IMPG1: variants seen among roughly 807,000 people sequenced by gnomAD.
IMPG1 encodes interphotoreceptor matrix proteoglycan 1, also known as interphotoreceptor matrix proteoglycan of 150 kDa.
In IMPG1, 85 loss-of-function variants were observed where a neutral mutation model predicts 92.0. The ratio of observed to expected loss-of-function variants is 0.92; its 90% CI spans 0.78 to 1.11. IMPG1 has a LOEUF of 1.11. Ranked by LOEUF, IMPG1 falls within the 50% of genes least tolerant of loss-of-function variation. The pLI is 0.00. For missense variants in IMPG1, 1,022 were observed against 956.0 expected (o/e 1.07, Z -0.91); for synonymous variants, 367 against 334.1 (o/e 1.10, Z -1.08).
chr6:76,007,230 G>A (rs977730874), intron 9 of IMPG1, among the ~76,000 whole-genome samples: 1 of 151,980 alleles, frequency 6.6e-6, no homozygotes, highest in Non-Finnish European at 1.5e-5. Context: ...TATACCTTGA[G>A]TATGATAAAA....
At chr6:75,976,569 A>C (rs1429326706) in intron 12 of IMPG1, among the ~76,000 whole-genome samples, 6 of 151,746 alleles carry the variant, frequency 4.0e-5, no homozygotes, top group Non-Finnish European at 8.8e-5. Flanking sequence ...TTCAAAAATG[A>C]AAAAACAAAA....
chr6:76,037,038 G>A (rs1783752496), intron 2 of IMPG1, among the ~76,000 whole-genome samples: 1 of 152,140 alleles, frequency 6.6e-6, no homozygotes, highest in Non-Finnish European at 1.5e-5. Flanking sequence ...TAACTCTAGA[G>A]CAATGGAAAC....
chr6:76,034,528 T>C (rs1206830908), intron 3 of IMPG1, 93 bp downstream of exon 3: 1 of 1,387,090 alleles, frequency 7.2e-7, no homozygotes, highest in Admixed American at 1.8e-5. Context: ...AATTAACCCT[T>C]ACGTTGTGGA....
rs1328489952 is a variant in IMPG1, at chr6:76,018,428, C to T, written c.807+290G>A. Among the ~76,000 whole-genome samples the T allele has an allele frequency of 5.3e-5, 8 of 152,226 alleles. No homozygotes were observed. In the South Asian group the frequency reaches 1.7e-3, roughly 32 times the overall value. On this transcript the variant is annotated intron_variant, in intron 7 of 16. Transcript: ENST00000369950. ...ATGAATTGTTTATTTCTGGAATTTT[C>T]AATTTAATATTTTTGGACTATGGTT...
At chr6:76,052,194 G>C (rs934787919) in intron 1 of IMPG1, among the ~76,000 whole-genome samples, 3 of 152,064 alleles carry the variant, frequency 2.0e-5, no homozygotes, top group Non-Finnish European at 2.9e-5. Context: ...GTTTAAGTCT[G>C]GTAAATGTCA....
intron 14 of IMPG1, among the ~76,000 whole-genome samples, chr6:75,934,267 G>A (rs147925386): frequency 2.4e-4 from 37 of 152,314 alleles, no homozygotes; most frequent in African/African-American, 7.7e-4. Context: ...CACTACAGTG[G>A]CTCCAATGTT....
At chr6:75,982,098 G>A (rs1782636263) in intron 12 of IMPG1, among the ~76,000 whole-genome samples, 1 of 152,138 alleles carries the variant, frequency 6.6e-6, no homozygotes, top group African/African-American at 2.4e-5. Flanking sequence ...AGAAATCATA[G>A]CCTAATCATA....
Position 76,041,933 on chromosome 6 carries a change from T to G in IMPG1, c.261A>C (p.Lys87Asn). 6.2e-7 allele frequency: 1 copy of G among 1,613,836 alleles called. No individual in the cohort carries two copies. The highest frequency in any genetic ancestry group is 8.5e-7 in the Non-Finnish European group (1 of 1,179,732). Residue 87 changes from lysine to asparagine, a missense_variant, in exon 2 of 17, where the codon AAA becomes AAC. Around this residue, in one of 3 missense-constraint regions of IMPG1, gnomAD observed 681 missense variants for 583.6 expected, o/e 1.17. Transcript: ENST00000369950. ...AAGCTTGAAGACTGTCTAAAATCTG[T>G]TTCATGGATTCCTGTGGACAGACTT... is the stretch of plus-strand genomic sequence containing the variant. ...GVKVCPQESMKQILDSLQAYY... is the reference protein window; with the variant it reads ...GVKVCPQESMNQILDSLQAYY...
At chr6:76,062,116 G>A (rs1455988391) in intron 1 of IMPG1, among the ~76,000 whole-genome samples, 1 of 152,074 alleles carries the variant, frequency 6.6e-6, no homozygotes, top group Non-Finnish European at 1.5e-5. Context: ...TCATCTAAGG[G>A]CATAGGAAAA....
chr6:75,959,654 C>T (rs1453660727), intron 12 of IMPG1, among the ~76,000 whole-genome samples: 1 of 152,164 alleles, frequency 6.6e-6, no homozygotes, highest in Non-Finnish European at 1.5e-5. Flanking sequence ...TTCTTGGTGG[C>T]TTCCGCTGTG....
At chr6:75,974,233 T>A (rs1449678879) in intron 12 of IMPG1, among the ~76,000 whole-genome samples, 1 of 152,158 alleles carries the variant, frequency 6.6e-6, no homozygotes, top group African/African-American at 2.4e-5. Context: ...ACTGAAGGTA[T>A]TTTTAATGAG....
chr6:75,999,537 C>G (rs1782951830), intron 12 of IMPG1, among the ~76,000 whole-genome samples: 1 of 152,186 alleles, frequency 6.6e-6, no homozygotes, highest in African/African-American at 2.4e-5. Flanking sequence ...AAGGCTTGCT[C>G]TTGTCCAGAG....
intron 12 of IMPG1, among the ~76,000 whole-genome samples, chr6:75,983,002 G>A (rs1195271127): frequency 3.3e-5 from 5 of 152,004 alleles, no homozygotes; most frequent in African/African-American, 1.2e-4. Flanking sequence ...AAGAAAATGG[G>A]TAAGAGTTAG....
At chr6:75,928,915 G>A (rs1353344278) in intron 15 of IMPG1, among the ~76,000 whole-genome samples, 1 of 152,148 alleles carries the variant, frequency 6.6e-6, no homozygotes, top group Non-Finnish European at 1.5e-5. Context: ...CTCATTTAAT[G>A]ATATGTTATT....
chr6:75,962,353 C>G (rs1185125526), intron 12 of IMPG1, among the ~76,000 whole-genome samples: 1 of 152,048 alleles, frequency 6.6e-6, no homozygotes, highest in Non-Finnish European at 1.5e-5. Context: ...TCTCAAACTC[C>G]TGGGCTCAAA....
intron 12 of IMPG1, among the ~76,000 whole-genome samples, chr6:75,972,847 A>G (rs943705595): frequency 7.2e-5 from 11 of 152,178 alleles, no homozygotes; most frequent in Non-Finnish European, 1.3e-4. Context: ...TGGCTATCTT[A>G]TTGGTATTGA....
chr6:76,035,820 G>A (rs953132139), intron 2 of IMPG1, among the ~76,000 whole-genome samples: 10 of 152,120 alleles, frequency 6.6e-5, no homozygotes, highest in Non-Finnish European at 1.3e-4. Context: ...ACACCAAGGA[G>A]CAATTTGCAG....
intron 12 of IMPG1, among the ~76,000 whole-genome samples, chr6:75,975,674 A>C (rs895216993): frequency 7.9e-5 from 12 of 152,212 alleles, no homozygotes; most frequent in African/African-American, 2.9e-4. Flanking sequence ...GATTTTAACC[A>C]GTTTTGCATG....
In IMPG1 at chr6:75,992,200, C is replaced by T. The variant is rs962227364; in HGVS notation, c.1291+10718G>A. Among the ~76,000 whole-genome samples the T allele has an allele frequency of 5.9e-5, 9 of 152,336 alleles. No homozygotes were observed. In the South Asian group the frequency reaches 1.9e-3, roughly 32 times the overall value. On this transcript the variant is annotated intron_variant, in intron 12 of 16. Coordinates refer to ENST00000369950, the MANE Select transcript of IMPG1 (RefSeq NM_001563.4). ...AGAACTGCATCAAAGTGCAACTTTC[C>T]CTGGTTTTCCAGCCTGCCACCTGCA... is the stretch of plus-strand genomic sequence containing the variant.
Sources: allele counts gnomAD v4.1 joint callset (sites outside exome capture counted in the v4.1 genomes callset), GRCh38; gene constraint gnomAD v4.1.1; regional missense constraint gnomAD v4.1.1; transcripts MANE v1.5; gene names NCBI Gene and HGNC (gene_info 2026-07-23, HGNC 2026-07-21).